The following SH3RF1 variants were observed in gnomAD, a reference collection of about 807,000 sequenced individuals.
SH3RF1 encodes the protein SH3 domain containing ring finger 1.
In SH3RF1, 32 loss-of-function variants were observed where a neutral mutation model predicts 74.0. The ratio of observed to expected loss-of-function variants is 0.43; its 90% confidence interval spans 0.33 to 0.58. The LOEUF (loss-of-function observed/expected upper bound fraction) is 0.58. Among genes scored for constraint, SH3RF1 ranks in the 20% least tolerant of loss-of-function variants. The pLI is 0.05. For missense variants in SH3RF1, 954 were observed against 1,130.9 expected (o/e 0.84, Z 2.24); for synonymous variants, 396 against 439.6 (o/e 0.90, Z 1.24).
chr4:169,224,232 T>A (rs574031057), intron 2 of SH3RF1, among the ~76,000 whole-genome samples: 2 of 152,158 alleles, frequency 1.3e-5, no homozygotes, highest in East Asian at 3.8e-4. Flanking sequence ...TATGATTTTG[T>A]TCTAAGTGTA....
chr4:169,268,042 C>T (rs1030564878), intron 2 of SH3RF1, among the ~76,000 whole-genome samples: 10 of 151,658 alleles, frequency 6.6e-5, no homozygotes, highest in Non-Finnish European at 1.2e-4. Flanking sequence ...ATTAGAAATA[C>T]CTATATTTCT....
chr4:169,187,890 A>G (rs1734635466), intron 2 of SH3RF1, among the ~76,000 whole-genome samples: 1 of 152,108 alleles, frequency 6.6e-6, no homozygotes, highest in Non-Finnish European at 1.5e-5. Flanking sequence ...GAATCCGCAA[A>G]GTTAAAATGA....
At chr4:169,220,731 T>A (rs1730552525) in intron 2 of SH3RF1, among the ~76,000 whole-genome samples, 1 of 152,218 alleles carries the variant, frequency 6.6e-6, no homozygotes. Flanking sequence ...AACACAAAGC[T>A]TGAACATACT....
chr4:169,124,228 C>G (rs1054047917), intron 6 of SH3RF1, among the ~76,000 whole-genome samples: 1 of 152,168 alleles, frequency 6.6e-6, no homozygotes, highest in Non-Finnish European at 1.5e-5. Flanking sequence ...AAACTAATGG[C>G]ATGTGCTCAA....
In SH3RF1 at chr4:169,261,747, T is replaced by C. The variant is rs535944477; in HGVS notation, c.393+7073A>G. Among the ~76,000 whole-genome samples, 11 of 152,312 alleles carry C rather than the reference T, an allele frequency of 7.2e-5. No homozygotes were observed. The East Asian group carries it at 2.1e-3, about 29-fold the overall frequency. ...GTGATTCCATTTCTATTCAATTTTTTGTCTGAAAGAAAACACAAAAAAACC... is the reference window on the plus strand; with the variant it reads ...GTGATTCCATTTCTATTCAATTTTTCGTCTGAAAGAAAACACAAAAAAACC... On this transcript the variant is annotated intron_variant, in intron 2 of 11. Coordinates refer to ENST00000284637, the MANE Select transcript of SH3RF1 (RefSeq NM_020870.4).
At chr4:169,134,555 A>T (rs780718611) in intron 5 of SH3RF1, among the ~76,000 whole-genome samples, 6 of 152,214 alleles carry the variant, frequency 3.9e-5, no homozygotes, top group Non-Finnish European at 7.4e-5. Context: ...GTCCCAAGAT[A>T]AAAAGCACAG....
At chr4:169,201,274 G>A (rs2706721) in intron 2 of SH3RF1, among the ~76,000 whole-genome samples, 71,343 of 152,028 alleles carry the variant, frequency 0.47, 18,020 homozygotes, top group East Asian at 0.78. Flanking sequence ...TTTAACAATT[G>A]ACGAATACTT....
rs1731402611 is a variant in SH3RF1, at chr4:169,269,086, A to G, written c.127T>C (p.Ser43Pro). Residue 43 changes from serine (S) to proline (P), a missense_variant, in exon 2 of 12, where the codon TCT (serine) becomes CCT (proline). Transcript: ENST00000284637. The stretch of plus-strand genomic sequence containing the variant: ...TCGGGACATCTGAGTTCATTTCGAG[A>G]ACCTACGATCCCCAGCAAACATCGC... ...CKRCLLGIVG[S>P]RNELRCPECR... 6.2e-7 allele frequency: 1 copy of G among 1,614,150 alleles called. No homozygotes were observed. Among genetic ancestry groups the G allele is most frequent in the Non-Finnish European group, 8.5e-7 (1 of 1,180,026 alleles).
chr4:169,183,312 G>A (rs1414101689), intron 2 of SH3RF1, among the ~76,000 whole-genome samples: 3 of 152,124 alleles, frequency 2.0e-5, no homozygotes, highest in African/African-American at 7.2e-5. Context: ...ACAAAGTCTC[G>A]CTCTTGTCCC....
At chr4:169,224,318 C>T (rs1730619885) in intron 2 of SH3RF1, among the ~76,000 whole-genome samples, 1 of 130,614 alleles carries the variant, frequency 7.7e-6, no homozygotes, top group Non-Finnish European at 1.6e-5. Context: ...GATCTAATTT[C>T]CTATTTTTTT....
At chr4:169,125,167 T>C (rs1733504190) in intron 6 of SH3RF1, among the ~76,000 whole-genome samples, 1 of 152,172 alleles carries the variant, frequency 6.6e-6, no homozygotes, top group South Asian at 2.1e-4. Context: ...GAAGAGACAG[T>C]GTTACATCAC....
At chr4:169,126,988 C>T (rs1579095383) in intron 6 of SH3RF1, among the ~76,000 whole-genome samples, 1 of 152,312 alleles carries the variant, frequency 6.6e-6, no homozygotes, top group East Asian at 1.9e-4. Context: ...TTGCAGTTAA[C>T]CACCTCTTGG....
intron 2 of SH3RF1, among the ~76,000 whole-genome samples, chr4:169,248,989 A>G (rs1364076709): frequency 6.6e-6 from 1 of 152,210 alleles, no homozygotes; most frequent in African/African-American, 2.4e-5. Context: ...GCACTTTGGG[A>G]GGCCGAGGTG....
chr4:169,268,917 G>A lies in SH3RF1; in HGVS notation c.296C>T (p.Ser99Phe). 2 of 1,613,984 alleles carry A rather than the reference G, an allele frequency of 1.2e-6. No individual in the cohort carries two copies. Among genetic ancestry groups the A allele is most frequent in the Non-Finnish European group, 1.7e-6 (2 of 1,180,026 alleles). ...ACAATTAGCCACAGTGCTGCTCTGA[G>A]ACCTTAATGCATTTGTGCAGTTGGT... ...SGTNCTNALR[S>F]QSSTVANCSS... Residue 99 changes from serine (S) to phenylalanine (F), a missense_variant, in exon 2 of 12, where the codon TCT becomes TTT. Physicochemically the swap from Ser to Phe is radical, Grantham distance 155. Transcript: ENST00000284637.
At chr4:169,097,372 G>A (rs1453746690) in intron 11 of SH3RF1, among the ~76,000 whole-genome samples, 1 of 152,184 alleles carries the variant, frequency 6.6e-6, no homozygotes. Context: ...TACCAGTAAC[G>A]AGGTTGACAT....
chr4:169,109,460 C>T (rs1733204413), intron 10 of SH3RF1, among the ~76,000 whole-genome samples: 1 of 152,118 alleles, frequency 6.6e-6, no homozygotes, highest in African/African-American at 2.4e-5. Context: ...GCTGACTACC[C>T]ACAGAACAGA....
In SH3RF1 at chr4:169,120,930, C is replaced by T. The variant is rs1302471571; in HGVS notation, c.1406G>A (p.Gly469Glu). The T allele has an allele frequency of 1.2e-6, 2 of 1,614,172 alleles. No individual in the cohort carries two copies. The highest frequency in any genetic ancestry group is 4.5e-5 in the East Asian group (2 of 44,880). ...GCGCTCAAACACTAAAAACATCTCC[C>T]CTTTTCTCAGCTCTAGTTCATCCTC... Reference protein sequence around the residue: ...RKEDELELRKGEMFLVFERCQ... With the variant: ...RKEDELELRKEEMFLVFERCQ... Residue 469 changes from glycine (G) to glutamate (E), a missense_variant, in exon 8 of 12, where the codon GGG (glycine) becomes GAG (glutamate). Gly to Glu is a moderately conservative substitution (Grantham distance 98). This residue lies in a region of SH3RF1 where 854 missense variants were observed against 962.5 expected (regional missense o/e 0.89). Coordinates refer to ENST00000284637, the MANE Select transcript of SH3RF1 (RefSeq NM_020870.4).
At position 169,095,306 on chromosome 4, in the gene SH3RF1, A is replaced by AAG. The variant is rs1379825594; in HGVS notation, c.*1211_*1212dup. On this transcript the variant is annotated 3_prime_UTR_variant, in exon 12 of 12. Transcript: ENST00000284637. ...AGCCAGAGAGGGAGCGAGTGCACTG[A>AAG]AGAGACCTTGGTCAGTAGTGGCTTT... The AAG allele has an allele frequency of 6.6e-6, 1 of 152,634 alleles. No homozygotes were observed. Among genetic ancestry groups the AAG allele is most frequent in the Non-Finnish European group, 1.5e-5 (1 of 68,060 alleles). The allele number at this position is 152,634 out of a possible 1,614,324, so 9.5% of individuals were successfully genotyped here.
At chr4:169,150,515 A>G (rs1295305394) in intron 4 of SH3RF1, among the ~76,000 whole-genome samples, 2 of 152,206 alleles carry the variant, frequency 1.3e-5, no homozygotes, top group Non-Finnish European at 2.9e-5. Context: ...ATCCACTCTC[A>G]GCATTTTTCA....
Sources: gnomAD v4.1 joint callset for allele counts (sites outside exome capture counted in the v4.1 genomes callset) on GRCh38, gnomAD v4.1.1 for gene constraint, gnomAD v4.1.1 regional missense constraint, MANE v1.5 for transcripts, NCBI Gene and HGNC (gene_info 2026-07-23, HGNC 2026-07-21) for gene names.